The following CTSV variants were observed in gnomAD, a reference collection of about 807,000 sequenced individuals.
CTSV encodes the protein cathepsin V.
In CTSV, 33 loss-of-function variants were observed where a neutral mutation model predicts 35.6. That is an observed-to-expected ratio of 0.93 (90% CI 0.70 to 1.24). CTSV has a LOEUF of 1.24. Ranked by LOEUF, CTSV falls within the 50% of genes most tolerant of loss-of-function variation. The pLI is 0.00. For synonymous variants in CTSV, 154 were observed against 147.1 expected (o/e 1.05, Z -0.34); for missense variants, 408 against 413.1 (o/e 0.99, Z 0.11).
At chr9:97,037,161 CAT>C in intron 4 of CTSV, 89 bp downstream of exon 4, 1 of 1,363,022 alleles carries the variant, frequency 7.3e-7, no homozygotes, top group South Asian at 1.4e-5. Flanking sequence ...AACCCATCAC[CAT>C]ATGTTGTGCC....
chr9:97,037,277 CCTTT>C lies in CTSV; in HGVS notation c.367_370del (p.Lys123AlafsTer3). The C allele has an allele frequency of 3.1e-6, 5 of 1,614,134 alleles. No homozygotes were observed. Among genetic ancestry groups the C allele is most frequent in the Non-Finnish European group, 4.2e-6 (5 of 1,180,012 alleles). ...CTGATTCTTCACTGGCGTCACGTAG[CCTTT>C]CTTTCTCCAATCCACAGATTTGGGA... On this transcript the variant is annotated frameshift_variant, in exon 4 of 8. Coordinates refer to ENST00000259470, the MANE Select transcript of CTSV (RefSeq NM_001333.4). LOFTEE classifies it high-confidence loss of function.
At chr9:97,036,812 T>G in intron 4 of CTSV, 65 bp from the exon 5 acceptor site, 1 of 1,297,986 alleles carries the variant, frequency 7.7e-7, no homozygotes, top group Non-Finnish European at 1.0e-6. Context: ...ACCCCATAAT[T>G]GAATTACCTT....
At chr9:97,036,018 T>C (rs1473763558) in intron 5 of CTSV, among the ~76,000 whole-genome samples, 5 of 152,144 alleles carry the variant, frequency 3.3e-5, no homozygotes, top group Non-Finnish European at 7.4e-5. Flanking sequence ...ATGGTACTTA[T>C]ATGGTAACCA....
At position 97,032,691 on chromosome 9, in the gene CTSV, G is replaced by T; in HGVS notation, c.*258C>A. 5.8e-6 allele frequency: 2 copies of T among 344,092 alleles called. No homozygotes were observed. Among genetic ancestry groups the T allele is most frequent in the Non-Finnish European group, 5.2e-6 (1 of 192,516 alleles). The allele number at this position is 344,092 out of a possible 1,614,324, so 21.3% of individuals were successfully genotyped here. ...ATTAAAATTTATTTCAAACTGTTTT[G>T]TACATCTTTTTAAAAAATGAAAATT... On this transcript the variant is annotated 3_prime_UTR_variant, in exon 8 of 8. Coordinates refer to ENST00000259470, the MANE Select transcript of CTSV (RefSeq NM_001333.4).
upstream of CTSV, chr9:97,039,167 A>C (rs1160683183): frequency 6.6e-6 from 1 of 152,190 alleles, no homozygotes; most frequent in Non-Finnish European, 1.5e-5. Context: ...CTCGGGATTT[A>C]AGTTTCCAGG....
chr9:97,038,923 T>G (rs1828906353), intron 1 of CTSV, 148 bp downstream of exon 1: 1 of 151,918 alleles, frequency 6.6e-6, no homozygotes, highest in Non-Finnish European at 1.5e-5. Context: ...CCAACCGCCC[T>G]CCCCCGTTCC....
At chr9:97,038,118 G>A (rs866351243) in intron 1 of CTSV, 65 bp from the exon 2 acceptor site, 34 of 1,480,350 alleles carry the variant, frequency 2.3e-5, no homozygotes, top group Admixed American at 3.7e-5. Context: ...TACAGCCCCC[G>A]TGGAATAGAA....
chr9:97,037,549 C>G lies in CTSV; in HGVS notation c.193G>C (p.Glu65Gln), dbSNP rs373827122. ...NMKMIELHNG[E>Q]YSQGKHGFTM... The stretch of plus-strand genomic sequence containing the variant: ...AAGCCATGTTTCCCTTGGCTGTATT[C>G]CCCATTGTGCAGTTCAATCATTTTC... Residue 65 changes from glutamate (E) to glutamine (Q), a missense_variant, in exon 3 of 8, where the codon GAA (glutamate) becomes CAA (glutamine). Coordinates refer to ENST00000259470, the MANE Select transcript of CTSV (RefSeq NM_001333.4). 111 of 1,614,030 alleles carry G rather than the reference C, an allele frequency of 6.9e-5. No individual in the cohort carries two copies. The highest frequency in any genetic ancestry group is 7.6e-6 in the Non-Finnish European group (9 of 1,180,032).
intron 6 of CTSV, 106 bp downstream of exon 6, chr9:97,035,422 A>G: frequency 1.2e-6 from 1 of 859,558 alleles, no homozygotes; most frequent in Non-Finnish European, 1.6e-6. Flanking sequence ...TTAAATGCTC[A>G]CTCTCAAAAT....
chr9:97,035,775 C>CA, intron 5 of CTSV, 82 bp from the exon 6 acceptor site: 1 of 904,846 alleles, frequency 1.1e-6, no homozygotes, highest in Non-Finnish European at 1.5e-6. Context: ...AAACACTCAG[C>CA]AATTTGCAAC....
chr9:97,034,616 C>T lies in CTSV; in HGVS notation c.905+110G>A, dbSNP rs1828813355. The T allele has an allele frequency of 1.7e-5, 13 of 775,948 alleles. 1 individual carries two copies. In the South Asian group the frequency reaches 1.9e-4, roughly 11 times the overall value. 48.1% of individuals were successfully genotyped at this position (775,948 alleles called of 1,614,324 possible). ...AATCAAACATTAATATTTCTGTGTT[C>T]ACTCTAAGTAGAAGAAAGACTTTCG... On this transcript the variant is annotated intron_variant, in intron 7 of 7. Coordinates refer to ENST00000259470, the MANE Select transcript of CTSV (RefSeq NM_001333.4).
rs1828768562 is a variant in CTSV, at chr9:97,032,402, A to AT, written c.*546dup. ...GACAGAGTGAGAGAGACTCCGTCTC[A>AT]TAAAAAAAAAAAATGTAGGTTTGTC... On this transcript the variant is annotated 3_prime_UTR_variant, in exon 8 of 8. Coordinates refer to ENST00000259470, the MANE Select transcript of CTSV (RefSeq NM_001333.4). 6.6e-6 allele frequency: 1 copy of AT among 152,284 alleles called. No homozygotes were observed. The highest frequency in any genetic ancestry group is 6.5e-5 in the Admixed American group (1 of 15,286). The allele number at this position is 152,284 out of a possible 1,614,324, so 9.4% of individuals were successfully genotyped here.
At position 97,036,664 on chromosome 9, in the gene CTSV, T is replaced by C. The variant is rs749861138; in HGVS notation, c.480A>G (p.Ser160=). ...QMFRKTGKLV[S]LSEQNLVDCS... is the part of the protein sequence containing the mutation. Reference sequence around the variant, plus strand: ...AGTCCACCAGATTCTGCTCGCTCAGTGAGACAAGTTTCCCAGTTTTCCGGA... The same window carrying C: ...AGTCCACCAGATTCTGCTCGCTCAGCGAGACAAGTTTCCCAGTTTTCCGGA... The change falls in exon 5 of 8, where the codon TCA becomes TCG. Residue 160 remains serine (S), a synonymous_variant. Coordinates refer to ENST00000259470, the MANE Select transcript of CTSV (RefSeq NM_001333.4). 2 of 1,613,886 alleles carry C rather than the reference T, an allele frequency of 1.2e-6. No individual in the cohort carries two copies. Among genetic ancestry groups the C allele is most frequent in the Admixed American group, 3.3e-5 (2 of 59,972 alleles).
intron 4 of CTSV, 28 bp from the exon 5 acceptor site, chr9:97,036,775 A>G: frequency 6.5e-7 from 1 of 1,537,876 alleles, no homozygotes; most frequent in Non-Finnish European, 8.8e-7. Context: ...AAAAGCTGTA[A>G]ATTTACAAGA....
At chr9:97,036,832 T>G in intron 4 of CTSV, 85 bp from the exon 5 acceptor site, 2 of 892,268 alleles carry the variant, frequency 2.2e-6, no homozygotes, top group Non-Finnish European at 3.1e-6. Context: ...TAATATTCTT[T>G]AAAAAAAAAA....
Position 97,031,735 on chromosome 9 carries a change from T to C in CTSV, c.*1214A>G, listed in dbSNP as rs1026823189. On this transcript the variant is annotated 3_prime_UTR_variant, in exon 8 of 8. Transcript: ENST00000259470. ...CTGACCTTTCACTTGTGATCTCTTA[T>C]CCATCTTCGGCCAGAGGCCTCTTTT... 4 of 152,266 alleles carry C rather than the reference T, an allele frequency of 2.6e-5. No individual in the cohort carries two copies. Among genetic ancestry groups the C allele is most frequent in the Non-Finnish European group, 5.9e-5 (4 of 68,056 alleles). 9.4% of individuals were successfully genotyped at this position (152,266 alleles called of 1,614,324 possible). A position where few individuals can be genotyped will look rare whatever the true frequency, so the allele number is the denominator to read the frequency against.
In CTSV at chr9:97,036,688, G is replaced by A; in HGVS notation, c.456C>T (p.Phe152=). 6.2e-7 allele frequency: 1 copy of A among 1,613,608 alleles called. No homozygotes were observed. Among genetic ancestry groups the A allele is most frequent in the African/African-American group, 1.3e-5 (1 of 74,840 alleles). Residue 152 remains phenylalanine, a synonymous_variant, in exon 5 of 8, where the codon TTC becomes TTT. Coordinates refer to ENST00000259470, the MANE Select transcript of CTSV (RefSeq NM_001333.4). ...GTGAGACAAGTTTCCCAGTTTTCCG[G>A]AACATCTGTCCTTCAAGAGCACCAG... ...SATGALEGQM[F]RKTGKLVSLS...
chr9:97,035,100 A>C (rs1828823367), intron 6 of CTSV, among the ~76,000 whole-genome samples: 1 of 152,214 alleles, frequency 6.6e-6, no homozygotes. Context: ...GAAAATCCAA[A>C]AGATAAAACC....
At position 97,035,655 on chromosome 9, in the gene CTSV, A is replaced by G; in HGVS notation, c.660T>C (p.Ala220=). Residue 220 remains alanine (A), a synonymous_variant, in exon 6 of 8, where the codon GCT becomes GCC. Transcript: ENST00000259470. The stretch of plus-strand genomic sequence containing the variant: ...CGACCACTGTGAAGCCAGTGTCATT[A>G]GCAACAGAATTCTCAGGTCTGTACT... The part of the protein sequence containing the change: ...ICKYRPENSV[A]NDTGFTVVAP... 6.3e-7 allele frequency: 1 copy of G among 1,592,986 alleles called. No homozygotes were observed. Among genetic ancestry groups the G allele is most frequent in the South Asian group, 1.1e-5 (1 of 87,940 alleles).
Sources: gnomAD v4.1 joint callset for allele counts (sites outside exome capture counted in the v4.1 genomes callset) on GRCh38, gnomAD v4.1.1 for gene constraint, MANE v1.5 for transcripts, NCBI Gene and HGNC (gene_info 2026-07-23, HGNC 2026-07-21) for gene names.